The following TBC1D5 variants were observed in gnomAD, a reference collection of about 807,000 sequenced individuals.
The protein encoded by TBC1D5 is TBC1 domain family member 5.
In TBC1D5, 75 loss-of-function variants were observed where a neutral mutation model predicts 100.3. The observed-to-expected ratio is 0.75, with a 90% confidence interval of 0.62 to 0.91. The LOEUF (loss-of-function observed/expected upper bound fraction) is 0.91, where lower values mean the gene tolerates loss of function less well. Among genes scored for constraint, TBC1D5 ranks in the 40% least tolerant of loss-of-function variants. The pLI is 0.00. For missense variants in TBC1D5, 910 were observed against 942.4 expected, an observed-to-expected ratio of 0.97 and a Z score of 0.45; for synonymous variants, 323 against 325.6, an observed-to-expected ratio of 0.99 and a Z score of 0.09.
intron 13 of TBC1D5, among the ~76,000 whole-genome samples, chr3:17,352,683 C>CAAAAAAAAAAAAAAAAAAAAAAA (rs1363926293): frequency 4.2e-5 from 4 of 94,898 alleles, no homozygotes; most frequent in African/African-American, 8.0e-5. Context: ...AAGCAAAAGG[C>CAAAAAAAAAAAAAAAAAAAAAAA]AAAAAAAAAA....
At chr3:17,486,334 T>G (rs1277759070) in intron 3 of TBC1D5, among the ~76,000 whole-genome samples, 1 of 152,228 alleles carries the variant, frequency 6.6e-6, no homozygotes, top group Non-Finnish European at 1.5e-5. Context: ...CAGAAGCTCT[T>G]TAGTTTAATT....
At chr3:17,633,920 T>C (rs983289000) in intron 1 of TBC1D5, among the ~76,000 whole-genome samples, 2 of 152,126 alleles carry the variant, frequency 1.3e-5, no homozygotes, top group African/African-American at 4.8e-5. Flanking sequence ...TGAATCCTGA[T>C]CCCAAAGCAG....
chr3:17,617,066 C>T (rs185023614), intron 2 of TBC1D5, among the ~76,000 whole-genome samples: 1 of 152,150 alleles, frequency 6.6e-6, no homozygotes, highest in Non-Finnish European at 1.5e-5. Flanking sequence ...TTCAGGAGCT[C>T]GCTCTTGTAA....
intron 16 of TBC1D5, among the ~76,000 whole-genome samples, chr3:17,254,306 G>A (rs2077434481): frequency 6.6e-6 from 1 of 152,202 alleles, no homozygotes; most frequent in Non-Finnish European, 1.5e-5. Context: ...TTACAAAGTA[G>A]TTATACCTTT....
chr3:17,191,867 G>A (rs200143549), intron 18 of TBC1D5, among the ~76,000 whole-genome samples: 2 of 151,678 alleles, frequency 1.3e-5, no homozygotes, highest in East Asian at 1.9e-4. Context: ...CAAGTGATCC[G>A]CCTGCTTCAG....
intron 2 of TBC1D5, among the ~76,000 whole-genome samples, chr3:17,536,460 C>T (rs2096282524): frequency 1.3e-5 from 2 of 152,182 alleles, no homozygotes; most frequent in Non-Finnish European, 1.5e-5. Context: ...CATAATGTTG[C>T]TCCACCATTT....
intron 17 of TBC1D5, among the ~76,000 whole-genome samples, chr3:17,228,809 A>G (rs1466306465): frequency 6.6e-6 from 1 of 151,702 alleles, no homozygotes; most frequent in South Asian, 2.1e-4. Flanking sequence ...CAATAAAAGT[A>G]CTGTGCCCTG....
intron 19 of TBC1D5, among the ~76,000 whole-genome samples, chr3:17,175,012 T>G (rs1262442498): frequency 1.3e-5 from 2 of 152,216 alleles, no homozygotes; most frequent in African/African-American, 4.8e-5. Context: ...GTGAGATATT[T>G]CCCAGATGAA....
At chr3:17,645,810 C>T (rs1384358022) in intron 1 of TBC1D5, among the ~76,000 whole-genome samples, 5 of 152,018 alleles carry the variant, frequency 3.3e-5, no homozygotes, top group Non-Finnish European at 5.9e-5. Flanking sequence ...TGTCACAAAG[C>T]TCTTTCCCCT....
At chr3:17,545,082 A>T (rs535091769) in intron 2 of TBC1D5, among the ~76,000 whole-genome samples, 1 of 152,252 alleles carries the variant, frequency 6.6e-6, no homozygotes, top group Non-Finnish European at 1.5e-5. Flanking sequence ...AATAAATAAA[A>T]GCTGTGATTT....
At chr3:17,476,913 C>A (rs569256711) in intron 3 of TBC1D5, among the ~76,000 whole-genome samples, 3 of 151,660 alleles carry the variant, frequency 2.0e-5, no homozygotes, top group Non-Finnish European at 4.4e-5. Context: ...ATTTTGCACA[C>A]GTTATATAAC....
chr3:17,705,124 C>T (rs868061079), intron 1 of TBC1D5, among the ~76,000 whole-genome samples: 1 of 101,808 alleles, frequency 9.8e-6, no homozygotes, highest in African/African-American at 3.8e-5. Flanking sequence ...CCCTCCCGGA[C>T]GGGGCGGCTG....
intron 8 of TBC1D5, among the ~76,000 whole-genome samples, chr3:17,393,527 G>C (rs1169214115): frequency 6.6e-6 from 1 of 151,974 alleles, no homozygotes; most frequent in Admixed American, 6.6e-5. Context: ...ACAATCCTAA[G>C]GAAAAAGAAC....
At chr3:17,359,836 CT>C (rs1455354285) in intron 13 of TBC1D5, among the ~76,000 whole-genome samples, 3 of 151,796 alleles carry the variant, frequency 2.0e-5, no homozygotes. Context: ...CTCTAGGTTA[CT>C]TGGTTATTCA....
chr3:17,474,571 A>C (rs1489581473), intron 3 of TBC1D5, among the ~76,000 whole-genome samples: 1 of 152,164 alleles, frequency 6.6e-6, no homozygotes, highest in Non-Finnish European at 1.5e-5. Context: ...ACATAGAGAA[A>C]ACATGAAAAT....
intron 13 of TBC1D5, among the ~76,000 whole-genome samples, chr3:17,354,502 G>A (rs996272441): frequency 2.0e-5 from 3 of 151,980 alleles, no homozygotes; most frequent in African/African-American, 4.8e-5. Flanking sequence ...TATTTGTGGC[G>A]TCTCCAGCAG....
chr3:17,396,409 T>A (rs2093505794), intron 8 of TBC1D5, among the ~76,000 whole-genome samples: 1 of 151,998 alleles, frequency 6.6e-6, no homozygotes, highest in African/African-American at 2.4e-5. Flanking sequence ...GCTTGTAAAA[T>A]CCTTCTTCCC....
chr3:17,632,840 A>G (rs1205965413), intron 1 of TBC1D5, among the ~76,000 whole-genome samples: 3 of 152,176 alleles, frequency 2.0e-5, no homozygotes, highest in Non-Finnish European at 4.4e-5. Flanking sequence ...TGATTTTTAT[A>G]TGCACTGAGA....
At chr3:17,509,211 C>A (rs532612925) in intron 2 of TBC1D5, among the ~76,000 whole-genome samples, 1 of 151,686 alleles carries the variant, frequency 6.6e-6, no homozygotes, top group African/African-American at 2.4e-5. Flanking sequence ...TCTAATTATT[C>A]CTAGCATTCT....
Sources: allele counts gnomAD v4.1 joint callset (sites outside exome capture counted in the v4.1 genomes callset), GRCh38; gene constraint gnomAD v4.1.1; transcripts MANE v1.5; gene names NCBI Gene and HGNC (gene_info 2026-07-23, HGNC 2026-07-21).